FLOT2: variants seen among roughly 807,000 people sequenced by gnomAD.
FLOT2 encodes the protein flotillin-2.
Under a neutral mutation model 54.9 loss-of-function variants are expected in FLOT2, and 35 were observed. That is an observed-to-expected ratio of 0.64 (90% CI 0.49 to 0.84). FLOT2 has a LOEUF of 0.84. FLOT2 is among the 40% of genes least tolerant of loss of function. The pLI, the probability that FLOT2 is intolerant of heterozygous loss-of-function variation, is 0.00. For missense variants in FLOT2, 464 were observed against 572.1 expected (o/e 0.81, Z 1.93); for synonymous variants, 207 against 228.9 (o/e 0.90, Z 0.86).
chr17:28,883,346 G>A lies in FLOT2; in HGVS notation c.223-115C>T, dbSNP rs2039489205. 3.3e-5 allele frequency: 43 copies of A among 1,306,744 alleles called. No homozygotes were observed. The Middle Eastern group carries it at 1.2e-3, about 36-fold the overall frequency. 80.9% of individuals were successfully genotyped at this position (1,306,744 alleles called of 1,614,324 possible). A position where few individuals can be genotyped will look rare whatever the true frequency, so the allele number is the denominator to read the frequency against. ...CTCCTCCCTTCCTTTTTTCAGACCT[G>A]GAGGCCCTGGGGGGCTGGAATCTGT... On this transcript the variant is annotated intron_variant, in intron 3 of 10. Transcript: ENST00000394908. The surrounding 1 kb of genome is among the most constrained non-coding windows in gnomAD (Gnocchi z 5.0).
intron 1 of FLOT2, among the ~76,000 whole-genome samples, chr17:28,895,515 G>A (rs908835588): frequency 6.6e-6 from 1 of 151,818 alleles, no homozygotes. Context: ...CTCCCATCTC[G>A]GCCTCCCAAA....
At position 28,882,270 on chromosome 17, in the gene FLOT2, G is replaced by GTGAGTAGAGGTCC; in HGVS notation, c.580-46_580-34dup. ...CAAAAGGGGCAGAAGGGGAAGGTGA[G>GTGAGTAGAGGTCC]TGAGTAGAGGTCCTGAGTCATCATG... is the stretch of plus-strand genomic sequence containing the variant. On this transcript the variant is annotated intron_variant, in intron 6 of 10. Coordinates refer to ENST00000394908, the MANE Select transcript of FLOT2 (RefSeq NM_004475.3). This position sits in a 1 kb window ranked among gnomAD's most constrained non-coding sequence, Gnocchi z 5.6. 3 of 1,614,102 alleles carry GTGAGTAGAGGTCC rather than the reference G, an allele frequency of 1.9e-6. No individual in the cohort carries two copies. The highest frequency in any genetic ancestry group is 2.5e-6 in the Non-Finnish European group (3 of 1,180,016).
chr17:28,887,704 A>G (rs2039573565), intron 2 of FLOT2, among the ~76,000 whole-genome samples: 1 of 152,182 alleles, frequency 6.6e-6, no homozygotes, highest in Non-Finnish European at 1.5e-5. Context: ...GTGGGGTGGC[A>G]GTATGTCTGG....
rs755011074 is a variant in FLOT2 at position 28,882,526 on chromosome 17, A to G, written c.465+47T>C. The G allele has an allele frequency of 1.3e-6, 2 of 1,585,456 alleles. No homozygotes were observed. Among genetic ancestry groups the G allele is most frequent in the Admixed American group, 3.3e-5 (2 of 59,964 alleles). On this transcript the variant is annotated intron_variant, in intron 5 of 10. Coordinates refer to ENST00000394908, the MANE Select transcript of FLOT2 (RefSeq NM_004475.3). This position sits in a 1 kb window ranked among gnomAD's most constrained non-coding sequence, Gnocchi z 5.6. ...AAGGTGCCCCTCTAACAAAGCCACCATCTCCCAGATGGACGCCAGGAGATA... is the reference window on the plus strand; with the variant it reads ...AAGGTGCCCCTCTAACAAAGCCACCGTCTCCCAGATGGACGCCAGGAGATA...
chr17:28,887,344 C>A (rs988913871), intron 2 of FLOT2, among the ~76,000 whole-genome samples: 4 of 152,126 alleles, frequency 2.6e-5, no homozygotes, highest in Admixed American at 6.5e-5. Flanking sequence ...TGGAGGCGTC[C>A]CCCAAGCAGG....
chr17:28,895,146 C>T (rs1032734915), intron 1 of FLOT2, among the ~76,000 whole-genome samples: 4 of 151,776 alleles, frequency 2.6e-5, no homozygotes, highest in Admixed American at 2.0e-4. Flanking sequence ...CTCCTGGCCT[C>T]GAGTGATCCA....
At chr17:28,887,895 G>A (rs571855483) in intron 2 of FLOT2, among the ~76,000 whole-genome samples, 1 of 152,258 alleles carries the variant, frequency 6.6e-6, no homozygotes, top group South Asian at 2.1e-4. Flanking sequence ...AGAGTGCAGC[G>A]GTTACTGAGA....
At position 28,881,331 on chromosome 17, in the gene FLOT2, C is replaced by T. The variant is rs1310106654; in HGVS notation, c.959G>A (p.Arg320His). Residue 320 changes from arginine (R) to histidine (H), a missense_variant, in exon 9 of 11, where the codon CGC (arginine) becomes CAC (histidine). Transcript: ENST00000394908. ...TGCCGCTTCCGCCTCCCCGATTTTG[C>T]GGATCTTCTCAGCCTCTGCCTGTGC... ...LLAQAEAEKIRKIGEAEAAVI... is the reference protein window; with the variant it reads ...LLAQAEAEKIHKIGEAEAAVI... The T allele has an allele frequency of 5.6e-6, 9 of 1,613,588 alleles. No individual in the cohort carries two copies. The highest frequency in any genetic ancestry group is 5.0e-5 in the Admixed American group (3 of 60,018).
intron 1 of FLOT2, among the ~76,000 whole-genome samples, chr17:28,895,918 A>G (rs79289658): frequency 0.011 from 1,642 of 152,278 alleles, 32 homozygotes; most frequent in African/African-American, 0.038. Context: ...CACAGGTCCA[A>G]GGAGCAAGGC....
intron 1 of FLOT2, among the ~76,000 whole-genome samples, chr17:28,891,392 T>G (rs115933384): frequency 8.1e-4 from 123 of 152,260 alleles, no homozygotes; most frequent in African/African-American, 2.8e-3. Context: ...AAGCTGTGTA[T>G]GTGAGTGACA....
Position 28,884,118 on chromosome 17 carries a change from G to A in FLOT2, c.222+107C>T. 1 of 845,220 alleles carries A rather than the reference G, an allele frequency of 1.2e-6. No homozygotes were observed. Among genetic ancestry groups the A allele is most frequent in the Non-Finnish European group, 2.0e-6 (1 of 496,096 alleles). The allele number at this position is 845,220 out of a possible 1,614,324, so 52.4% of individuals were successfully genotyped here. On this transcript the variant is annotated intron_variant, in intron 3 of 10. Coordinates refer to ENST00000394908, the MANE Select transcript of FLOT2 (RefSeq NM_004475.3). The surrounding 1 kb of genome is among the most constrained non-coding windows in gnomAD (Gnocchi z 5.1). ...TTGTGGGACTTGCGGGGGCTGGGGT[G>A]CTGGAGAGAGACTGCCCCTGGCTGC...
intron 1 of FLOT2, among the ~76,000 whole-genome samples, chr17:28,896,884 T>A (rs2039750199): frequency 1.3e-5 from 2 of 152,186 alleles, no homozygotes; most frequent in African/African-American, 4.8e-5. Flanking sequence ...TTTTCCCCAG[T>A]ACCGCAGTCC....
Position 28,891,116 on chromosome 17 carries a change from A to G in FLOT2, c.50-2090T>C, listed in dbSNP as rs1026341569. On this transcript the variant is annotated intron_variant, in intron 1 of 10. Coordinates refer to ENST00000394908, the MANE Select transcript of FLOT2 (RefSeq NM_004475.3). Reference sequence around the variant, plus strand: ...GGCTGTTCTCGAATTCCTGGGCTCAAGCGATCCACATGCGTTGGCCTCTCA... The same window carrying G: ...GGCTGTTCTCGAATTCCTGGGCTCAGGCGATCCACATGCGTTGGCCTCTCA... Among the ~76,000 whole-genome samples the G allele has an allele frequency of 6.6e-5, 10 of 152,080 alleles. No homozygotes were observed. In the South Asian group the frequency reaches 2.1e-3, roughly 32 times the overall value.
At position 28,897,649 on chromosome 17, in the gene FLOT2, G is replaced by A. The variant is rs1400358332; in HGVS notation, c.-75C>T. 4.7e-6 allele frequency: 6 copies of A among 1,274,856 alleles called. No individual in the cohort carries two copies. The African/African-American group carries it at 6.2e-5, about 13-fold the overall frequency. 79.0% of individuals were successfully genotyped at this position (1,274,856 alleles called of 1,614,324 possible). A position where few individuals can be genotyped will look rare whatever the true frequency, so the allele number is the denominator to read the frequency against. Reference sequence around the variant, plus strand: ...GCAGCGGGTCTGCAGCGCCGGCCGCGCCCAGCCTATCCCGCCACCCCCAGC... The same window carrying A: ...GCAGCGGGTCTGCAGCGCCGGCCGCACCCAGCCTATCCCGCCACCCCCAGC... On this transcript the variant is annotated 5_prime_UTR_variant, in exon 1 of 11. Coordinates refer to ENST00000394908, the MANE Select transcript of FLOT2 (RefSeq NM_004475.3). The surrounding 1 kb of genome is among the most constrained non-coding windows in gnomAD (Gnocchi z 4.4).
chr17:28,879,590 T>A lies in FLOT2; in HGVS notation c.*971A>T. The A allele has an allele frequency of 1.0e-6, 1 of 985,862 alleles. No individual in the cohort carries two copies. The highest frequency in any genetic ancestry group is 1.2e-6 in the Non-Finnish European group (1 of 830,058). 61.1% of individuals were successfully genotyped at this position (985,862 alleles called of 1,614,324 possible). A position where few individuals can be genotyped will look rare whatever the true frequency, so the allele number is the denominator to read the frequency against. Reference sequence around the variant, plus strand: ...TTGCTTCCCCATGGCTGGAACCCCATCACTCTGGCCAGGAAGAAAGATGGC... The same window carrying A: ...TTGCTTCCCCATGGCTGGAACCCCAACACTCTGGCCAGGAAGAAAGATGGC... On this transcript the variant is annotated 3_prime_UTR_variant, in exon 11 of 11. Coordinates refer to ENST00000394908, the MANE Select transcript of FLOT2 (RefSeq NM_004475.3).
intron 2 of FLOT2, chr17:28,885,851 TATTA>T: frequency 6.5e-7 from 1 of 1,533,924 alleles, no homozygotes; most frequent in East Asian, 2.4e-5. Flanking sequence ...GCAGGTGGGT[TATTA>T]CCTGTGCAAC....
rs1323775704 is a variant in FLOT2 at position 28,882,277 on chromosome 17, G to A, written c.580-40C>T. ...GGCAGAAGGGGAAGGTGAGTGAGTA[G>A]AGGTCCTGAGTCATCATGGTCCCAT... On this transcript the variant is annotated intron_variant, in intron 6 of 10. Transcript: ENST00000394908. This position sits in a 1 kb window ranked among gnomAD's most constrained non-coding sequence, Gnocchi z 5.6. The A allele has an allele frequency of 5.6e-6, 9 of 1,613,910 alleles. No homozygotes were observed. In the Admixed American group the frequency reaches 1.5e-4, roughly 27 times the overall value.
chr17:28,882,272 G>A lies in FLOT2; in HGVS notation c.580-35C>T, dbSNP rs1230430371. On this transcript the variant is annotated intron_variant, in intron 6 of 10. Coordinates refer to ENST00000394908, the MANE Select transcript of FLOT2 (RefSeq NM_004475.3). The surrounding 1 kb of genome is among the most constrained non-coding windows in gnomAD (Gnocchi z 5.6). ...AAAGGGGCAGAAGGGGAAGGTGAGT[G>A]AGTAGAGGTCCTGAGTCATCATGGT... 1.2e-6 allele frequency: 2 copies of A among 1,614,074 alleles called. No homozygotes were observed. Among genetic ancestry groups the A allele is most frequent in the African/African-American group, 1.3e-5 (1 of 75,058 alleles).
Position 28,882,404 on chromosome 17 carries a change from T to A in FLOT2, c.512A>T (p.Gln171Leu). ...AGCATCTCTCTGCACCACGGCAGTCTGCGTCTTGCCCAGGGAGCTCAGATA... is the reference window on the plus strand; with the variant it reads ...AGCATCTCTCTGCACCACGGCAGTCAGCGTCTTGCCCAGGGAGCTCAGATA... ...VDYLSSLGKT[Q>L]TAVVQRDADI... The change falls in exon 6 of 11, where the codon CAG becomes CTG. Residue 171 changes from glutamine (Q) to leucine (L), a missense_variant. Physicochemically the swap from Gln to Leu is moderately radical, Grantham distance 113 (BLOSUM62 -2). Transcript: ENST00000394908. The surrounding 1 kb of genome is among the most constrained non-coding windows in gnomAD (Gnocchi z 5.6). The A allele has an allele frequency of 6.2e-7, 1 of 1,614,156 alleles. No homozygotes were observed. Among genetic ancestry groups the A allele is most frequent in the Non-Finnish European group, 8.5e-7 (1 of 1,180,026 alleles).
Sources: allele counts gnomAD v4.1 joint callset (sites outside exome capture counted in the v4.1 genomes callset), GRCh38; gene constraint gnomAD v4.1.1; non-coding constraint Gnocchi (gnomAD v3.1); transcripts MANE v1.5; gene names NCBI Gene and HGNC (gene_info 2026-07-23, HGNC 2026-07-21).